The following TRPS1 variants were observed in gnomAD, a reference collection of about 807,000 sequenced individuals.
TRPS1 encodes the protein zinc finger transcription factor Trps1.
TRPS1 carries 6 observed loss-of-function variants against 101.2 expected under a neutral mutation model. The observed-to-expected ratio is 0.06, with a 90% CI of 0.03 to 0.12. The LOEUF (loss-of-function observed/expected upper bound fraction) is 0.12, where lower values mean the gene tolerates loss of function less well. TRPS1 is among the 10% of genes least tolerant of loss of function. TRPS1 has a pLI of 1.00. For missense variants in TRPS1, 1,363 were observed against 1,567.0 expected (o/e 0.87, Z 2.20); for synonymous variants, 578 against 589.8 (o/e 0.98, Z 0.29).
At chr8:115,642,271 C>G (rs1195019927) in intron 1 of TRPS1, among the ~76,000 whole-genome samples, 1 of 146,074 alleles carries the variant, frequency 6.8e-6, no homozygotes, top group African/African-American at 2.5e-5. Flanking sequence ...TACACACATA[C>G]ACATTCAAGA....
chr8:115,452,141 G>T (rs1252409134), intron 5 of TRPS1, among the ~76,000 whole-genome samples: 1 of 152,168 alleles, frequency 6.6e-6, no homozygotes, highest in Non-Finnish European at 1.5e-5. Flanking sequence ...TAAACCCAAT[G>T]AATTCTGGAC....
chr8:115,424,479 G>C (rs1813142582), intron 5 of TRPS1, among the ~76,000 whole-genome samples: 2 of 152,162 alleles, frequency 1.3e-5, no homozygotes, highest in Admixed American at 6.5e-5. Flanking sequence ...AGACAAACAT[G>C]GTCTGTAATC....
At chr8:115,485,406 C>T (rs1435297065) in intron 5 of TRPS1, among the ~76,000 whole-genome samples, 4 of 152,218 alleles carry the variant, frequency 2.6e-5, no homozygotes, top group Admixed American at 6.5e-5. Context: ...CTGAACAGAA[C>T]ATCCAGTCAT....
At chr8:115,603,043 A>T (rs1178860985) in intron 4 of TRPS1, among the ~76,000 whole-genome samples, 2 of 152,166 alleles carry the variant, frequency 1.3e-5, no homozygotes. Flanking sequence ...TGTAAGTTCC[A>T]TGAGGGCACT....
intron 5 of TRPS1, among the ~76,000 whole-genome samples, chr8:115,553,534 C>T (rs1158844228): frequency 1.3e-5 from 2 of 152,006 alleles, no homozygotes; most frequent in Admixed American, 6.6e-5. Flanking sequence ...TGCTGCTTAT[C>T]GTTTATGATA....
Position 115,623,669 on chromosome 8 carries a change from T to C in TRPS1, c.-32A>G, listed in dbSNP as rs1218540313. On this transcript the variant is annotated 5_prime_UTR_variant, in exon 2 of 7. Coordinates refer to ENST00000395715, the MANE Select transcript of TRPS1 (RefSeq NM_014112.5). The stretch of plus-strand genomic sequence containing the variant: ...TTAGAGTGCTTTTTACAATTATTAA[T>C]TCTATTAGTCAACTAGCAGGAGGCT... 3.7e-6 allele frequency: 6 copies of C among 1,609,020 alleles called. No homozygotes were observed. The highest frequency in any genetic ancestry group is 5.1e-6 in the Non-Finnish European group (6 of 1,177,352).
chr8:115,511,994 T>C (rs937738859), intron 5 of TRPS1, among the ~76,000 whole-genome samples: 8 of 151,826 alleles, frequency 5.3e-5, no homozygotes, highest in African/African-American at 1.9e-4. Context: ...CTTTAGAAAC[T>C]ATCGCATCAA....
chr8:115,533,446 T>G (rs796438955), intron 5 of TRPS1, among the ~76,000 whole-genome samples: 1 of 130,746 alleles, frequency 7.6e-6, no homozygotes, highest in Non-Finnish European at 1.6e-5. Flanking sequence ...GTTTTTTTTT[T>G]TTTTTTTTTT....
chr8:115,588,098 T>A (rs1339020274), intron 4 of TRPS1, among the ~76,000 whole-genome samples: 2 of 151,388 alleles, frequency 1.3e-5, no homozygotes, highest in East Asian at 3.8e-4. Flanking sequence ...AATTGAGGAT[T>A]TTTCCCCCTG....
intron 5 of TRPS1, among the ~76,000 whole-genome samples, chr8:115,547,964 C>T (rs983564229): frequency 6.6e-6 from 1 of 152,012 alleles, no homozygotes; most frequent in Non-Finnish European, 1.5e-5. Flanking sequence ...GGCATAGTGG[C>T]TCACATCAGT....
At chr8:115,607,982 G>T (rs964687566) in intron 3 of TRPS1, among the ~76,000 whole-genome samples, 1 of 151,886 alleles carries the variant, frequency 6.6e-6, no homozygotes, top group Non-Finnish European at 1.5e-5. Context: ...TTCTTTTCTA[G>T]GGTAAAAACA....
At chr8:115,443,183 T>C (rs1813651216) in intron 5 of TRPS1, among the ~76,000 whole-genome samples, 1 of 151,986 alleles carries the variant, frequency 6.6e-6, no homozygotes. Context: ...GGCAGGACAA[T>C]CGCTTGAACC....
chr8:115,542,307 C>T (rs553868061), intron 5 of TRPS1, among the ~76,000 whole-genome samples: 4 of 152,098 alleles, frequency 2.6e-5, no homozygotes, highest in Non-Finnish European at 4.4e-5. Context: ...TTACTGTTTA[C>T]GGATGCGATA....
chr8:115,649,195 G>A (rs1417800249), intron 1 of TRPS1, among the ~76,000 whole-genome samples: 1 of 152,170 alleles, frequency 6.6e-6, no homozygotes, highest in Non-Finnish European at 1.5e-5. Context: ...ATATATAAAG[G>A]TGATGGCCTT....
At chr8:115,632,305 ATATAC>A (rs1818663947) in intron 1 of TRPS1, among the ~76,000 whole-genome samples, 1 of 152,170 alleles carries the variant, frequency 6.6e-6, no homozygotes, top group African/African-American at 2.4e-5. Context: ...AAAACTCAAA[ATATAC>A]TATACAAGTA....
intron 5 of TRPS1, among the ~76,000 whole-genome samples, chr8:115,538,100 A>C (rs949822147): frequency 2.6e-5 from 4 of 152,202 alleles, no homozygotes; most frequent in African/African-American, 9.7e-5. Context: ...CGGACTTTGC[A>C]TCTAAATTTA....
At chr8:115,658,379 A>G (rs1811722352) in intron 1 of TRPS1, among the ~76,000 whole-genome samples, 1 of 152,128 alleles carries the variant, frequency 6.6e-6, no homozygotes. Flanking sequence ...CAAAGGGGTC[A>G]AAGTTTTCTA....
At chr8:115,631,759 GGAAA>G (rs757830697) in intron 1 of TRPS1, among the ~76,000 whole-genome samples, 36 of 151,936 alleles carry the variant, frequency 2.4e-4, no homozygotes, top group Non-Finnish European at 4.7e-4. Flanking sequence ...AATAGGCTCA[GGAAA>G]CTAACAGCTA....
intron 5 of TRPS1, among the ~76,000 whole-genome samples, chr8:115,455,698 T>C (rs777062111): frequency 6.6e-6 from 1 of 152,116 alleles, no homozygotes; most frequent in African/African-American, 2.4e-5. Context: ...CTGGGACTTT[T>C]TTCCTTTTTC....
Sources: gnomAD v4.1 joint callset for allele counts (sites outside exome capture counted in the v4.1 genomes callset) on GRCh38, gnomAD v4.1.1 for gene constraint, MANE v1.5 for transcripts, NCBI Gene and HGNC (gene_info 2026-07-23, HGNC 2026-07-21) for gene names.